SIDT1: variants seen among roughly 807,000 people sequenced by gnomAD.
SIDT1 encodes the protein SID1 transmembrane family member 1.
A neutral mutation model predicts 107.5 loss-of-function variants in SIDT1; 101 were observed. The ratio of observed to expected loss-of-function variants is 0.94; its 90% CI spans 0.80 to 1.11. SIDT1 has a LOEUF of 1.11. SIDT1 is among the 50% of genes least tolerant of loss of function. The pLI, the probability that SIDT1 is intolerant of heterozygous loss-of-function variation, is 0.00. For missense variants in SIDT1, 1,076 were observed against 1,058.2 expected (o/e 1.02, Z -0.23); for synonymous variants, 395 against 398.2 (o/e 0.99, Z 0.10).
intron 20 of SIDT1, among the ~76,000 whole-genome samples, chr3:113,616,488 T>TA (rs969447391): frequency 2.0e-5 from 3 of 152,040 alleles, no homozygotes; most frequent in Admixed American, 6.6e-5. Context: ...TGGGGCCTGT[T>TA]AGAGGGTGGG....
At chr3:113,619,775 C>T in intron 21 of SIDT1, 49 bp downstream of exon 21, 1 of 1,523,030 alleles carries the variant, frequency 6.6e-7, no homozygotes, top group Non-Finnish European at 9.1e-7. Flanking sequence ...ATGTCAGTAA[C>T]ACTGTGGTTT....
At chr3:113,599,810 G>A (rs1944828512) in intron 10 of SIDT1, among the ~76,000 whole-genome samples, 1 of 152,154 alleles carries the variant, frequency 6.6e-6, no homozygotes, top group Admixed American at 6.5e-5. Flanking sequence ...CTAGTATACA[G>A]TAGGAAGAAT....
intron 5 of SIDT1, 99 bp downstream of exon 5, chr3:113,580,808 T>C (rs887396457): frequency 1.3e-6 from 1 of 778,634 alleles, no homozygotes. Context: ...TCTTACTGTG[T>C]ATCTCCCTTC....
intron 20 of SIDT1, among the ~76,000 whole-genome samples, chr3:113,616,419 C>G (rs1946109922): frequency 6.6e-6 from 1 of 152,164 alleles, no homozygotes; most frequent in African/African-American, 2.4e-5. Flanking sequence ...GGAGAAAATA[C>G]ATCTACCCAA....
intron 9 of SIDT1, among the ~76,000 whole-genome samples, chr3:113,586,982 A>G (rs1439325261): frequency 1.3e-5 from 2 of 152,254 alleles, no homozygotes; most frequent in Admixed American, 6.5e-5. Context: ...AATATTCAAC[A>G]AAGGACATTA....
At chr3:113,553,043 G>C (rs1940450835) in intron 1 of SIDT1, among the ~76,000 whole-genome samples, 1 of 152,194 alleles carries the variant, frequency 6.6e-6, no homozygotes, top group Non-Finnish European at 1.5e-5. Flanking sequence ...AGGGGGAAAA[G>C]CTGGGGTGTT....
At chr3:113,607,823 G>C (rs144607129) in intron 15 of SIDT1, among the ~76,000 whole-genome samples, 4 of 152,108 alleles carry the variant, frequency 2.6e-5, no homozygotes, top group African/African-American at 9.7e-5. Flanking sequence ...CTATACAAAC[G>C]CCACTGGGAT....
intron 3 of SIDT1, among the ~76,000 whole-genome samples, chr3:113,571,714 A>T (rs1480088985): frequency 6.6e-6 from 1 of 152,190 alleles, no homozygotes; most frequent in Non-Finnish European, 1.5e-5. Context: ...CGGGCAGATC[A>T]CCTGAGGTCA....
At chr3:113,613,383 G>C (rs1945888525) in intron 19 of SIDT1, among the ~76,000 whole-genome samples, 1 of 152,222 alleles carries the variant, frequency 6.6e-6, no homozygotes, top group South Asian at 2.1e-4. Flanking sequence ...TGGCCCTGCA[G>C]ACTCCTCACT....
the SIDT1 span, among the ~76,000 whole-genome samples, chr3:113,636,862 T>C: frequency 1.3e-5 from 2 of 152,206 alleles, no homozygotes; most frequent in Non-Finnish European, 2.9e-5. Flanking sequence ...CAGTCTCACA[T>C]GCAGGAGAGG....
intron 7 of SIDT1, among the ~76,000 whole-genome samples, chr3:113,584,476 A>G (rs1331224415): frequency 6.6e-6 from 1 of 152,204 alleles, no homozygotes; most frequent in African/African-American, 2.4e-5. Flanking sequence ...GCACACAAGC[A>G]AAGGCCAAAT....
At position 113,567,737 on chromosome 3, in the gene SIDT1, G is replaced by A. The variant is rs778922223; in HGVS notation, c.515+27G>A. On this transcript the variant is annotated intron_variant, in intron 3 of 24. Coordinates refer to ENST00000264852, the MANE Select transcript of SIDT1 (RefSeq NM_017699.3). ...TAAGCGGGACTTTCTCTGTTTACCT[G>A]TCTGTGTTTCCTGTGCTTGTGGATG... The A allele has an allele frequency of 6.2e-6, 10 of 1,608,002 alleles. No individual in the cohort carries two copies. In the East Asian group the frequency reaches 2.0e-4, roughly 32 times the overall value.
At chr3:113,606,028 G>GA (rs35259067) in intron 14 of SIDT1, among the ~76,000 whole-genome samples, 75,205 of 140,328 alleles carry the variant, frequency 0.54, 19,785 homozygotes, top group Non-Finnish European at 0.58. Context: ...GGAAAAAAAA[G>GA]AAAAAAAAAA....
intron 1 of SIDT1, among the ~76,000 whole-genome samples, chr3:113,565,181 C>T (rs899298241): frequency 6.6e-6 from 1 of 152,068 alleles, no homozygotes; most frequent in Admixed American, 6.5e-5. Flanking sequence ...GTTGTTGTTG[C>T]TTTTACCCTA....
intron 10 of SIDT1, among the ~76,000 whole-genome samples, chr3:113,594,316 T>C (rs1433942283): frequency 6.6e-6 from 1 of 152,222 alleles, no homozygotes; most frequent in Non-Finnish European, 1.5e-5. Flanking sequence ...CTCGTGGCTT[T>C]AAAGTGCTAA....
chr3:113,630,706 G>A (rs563630530), downstream of SIDT1, among the ~76,000 whole-genome samples: 1 of 152,300 alleles, frequency 6.6e-6, no homozygotes, highest in South Asian at 2.1e-4. Context: ...TTGGGGAAGT[G>A]ACTGAAACTC....
rs1480831871 is a variant in SIDT1 at position 113,629,138 on chromosome 3, AATT to A, written c.*1437_*1439del. On this transcript the variant is annotated 3_prime_UTR_variant, in exon 25 of 25. Coordinates refer to ENST00000264852, the MANE Select transcript of SIDT1 (RefSeq NM_017699.3). ...GAGAAATGGATCAGGCATTTTTTTAAATTATTATTCTTTCTCTAAACTATTTGC... is the reference window on the plus strand; with the variant it reads ...GAGAAATGGATCAGGCATTTTTTTAAATTATTCTTTCTCTAAACTATTTGC... 6.6e-6 allele frequency: 1 copy of A among 152,086 alleles called. No individual in the cohort carries two copies. The highest frequency in any genetic ancestry group is 1.5e-5 in the Non-Finnish European group (1 of 68,020). The allele number at this position is 152,086 out of a possible 1,614,324, so 9.4% of individuals were successfully genotyped here. A position where few individuals can be genotyped will look rare whatever the true frequency, so the allele number is the denominator to read the frequency against.
the SIDT1 span, among the ~76,000 whole-genome samples, chr3:113,635,728 G>A: frequency 4.5e-3 from 678 of 151,972 alleles, 14 homozygotes; most frequent in Admixed American, 0.03. Context: ...TTAGCCAGGC[G>A]TGGTGGCAGG....
At chr3:113,552,550 T>C (rs1940378545) in intron 1 of SIDT1, among the ~76,000 whole-genome samples, 2 of 152,198 alleles carry the variant, frequency 1.3e-5, no homozygotes, top group South Asian at 4.1e-4. Flanking sequence ...GTTACTGGGC[T>C]CAGACAACAT....
Sources: gnomAD v4.1 joint callset for allele counts (sites outside exome capture counted in the v4.1 genomes callset) on GRCh38, gnomAD v4.1.1 for gene constraint, MANE v1.5 for transcripts, NCBI Gene and HGNC (gene_info 2026-07-23, HGNC 2026-07-21) for gene names.